RANBP2: variants seen among roughly 807,000 people sequenced by gnomAD.
RANBP2 encodes E3 SUMO-protein ligase RanBP2.
In RANBP2, 57 loss-of-function variants were observed where a neutral mutation model predicts 303.6. The ratio of observed to expected loss-of-function variants is 0.19; its 90% CI spans 0.15 to 0.23. The LOEUF (loss-of-function observed/expected upper bound fraction) is 0.23, where lower values mean the gene tolerates loss of function less well. RANBP2 is among the 10% of genes least tolerant of loss of function. The probability of loss-of-function intolerance (pLI) is 1.00; values close to 1 mark genes in which losing one functional copy is unlikely to be tolerated. For missense variants in RANBP2, 3,138 were observed against 3,780.8 expected (o/e 0.83, Z 4.46); for synonymous variants, 1,167 against 1,301.5 (o/e 0.90, Z 2.23).
chr2:109,703,530 G>A, the RANBP2 span, among the ~76,000 whole-genome samples: 1 of 152,240 alleles, frequency 6.6e-6, no homozygotes, highest in Admixed American at 6.5e-5. Context: ...CTGGGTTCAA[G>A]CAGTTCTCCT....
At chr2:109,681,307 C>T in the RANBP2 span, among the ~76,000 whole-genome samples, 2 of 152,206 alleles carry the variant, frequency 1.3e-5, no homozygotes, top group Admixed American at 1.3e-4. Flanking sequence ...TAAGGATTTC[C>T]AGGTTGTGCT....
chr2:109,371,465 C>G, the RANBP2 span: 4 of 737,222 alleles, frequency 5.4e-6, no homozygotes, highest in African/African-American at 5.2e-5. Flanking sequence ...ATAATGCACT[C>G]TTCTTGAACT....
the RANBP2 span, among the ~76,000 whole-genome samples, chr2:109,118,503 A>G: frequency 8.2e-5 from 12 of 146,974 alleles, no homozygotes; most frequent in Non-Finnish European, 1.8e-4. Flanking sequence ...TGAGTGTCCG[A>G]CTGCCTACAC....
the RANBP2 span, among the ~76,000 whole-genome samples, chr2:109,774,990 TGTAAG>T: frequency 1.2e-5 from 1 of 81,954 alleles, no homozygotes; most frequent in Non-Finnish European, 2.2e-5. Flanking sequence ...CATCTGAAAT[TGTAAG>T]GTGATTTTTT....
chr2:108,910,559 G>C, the RANBP2 span: 1 of 1,593,762 alleles, frequency 6.3e-7, no homozygotes, highest in African/African-American at 1.3e-5. Flanking sequence ...AGGTTGGGGA[G>C]ATAGGAGTTA....
chr2:109,594,468 G>T, the RANBP2 span, among the ~76,000 whole-genome samples: 5 of 150,966 alleles, frequency 3.3e-5, no homozygotes, highest in Non-Finnish European at 7.4e-5. Context: ...CTGCACTGTG[G>T]TTTTTTTTTG....
At chr2:109,035,057 A>G in the RANBP2 span, among the ~76,000 whole-genome samples, 1 of 152,186 alleles carries the variant, frequency 6.6e-6, no homozygotes. Flanking sequence ...GTGAGGAGTT[A>G]CTGGTTAGAT....
the RANBP2 span, among the ~76,000 whole-genome samples, chr2:108,886,361 T>A: frequency 6.6e-6 from 1 of 152,218 alleles, no homozygotes; most frequent in African/African-American, 2.4e-5. Context: ...TTCATGTATC[T>A]GTTGGTTACC....
At chr2:109,449,232 C>T in the RANBP2 span, 1 of 1,613,384 alleles carries the variant, frequency 6.2e-7, no homozygotes, top group Non-Finnish European at 8.5e-7. Flanking sequence ...CCTGCGCACC[C>T]AGAACTCTCC....
chr2:109,710,118 A>G, the RANBP2 span, among the ~76,000 whole-genome samples: 1 of 151,392 alleles, frequency 6.6e-6, no homozygotes, highest in Non-Finnish European at 1.5e-5. Context: ...GTGGTCGCTC[A>G]TGCATGTAAT....
At chr2:109,552,796 A>G in the RANBP2 span, 1 of 292,474 alleles carries the variant, frequency 3.4e-6, no homozygotes, top group Non-Finnish European at 6.3e-6. Flanking sequence ...TCATGAAAGA[A>G]AAATGTGTGC....
At chr2:108,916,930 A>G in the RANBP2 span, among the ~76,000 whole-genome samples, 1 of 152,128 alleles carries the variant, frequency 6.6e-6, no homozygotes, top group East Asian at 1.9e-4. Flanking sequence ...AAGGAGCAGG[A>G]GGACATGGGG....
chr2:109,394,246 G>A, the RANBP2 span, among the ~76,000 whole-genome samples: 3,441 of 152,330 alleles, frequency 0.023, 138 homozygotes, highest in African/African-American at 0.078. Context: ...ACAAAGTGTT[G>A]GGAGGGGCTT....
At chr2:108,771,123 T>A (rs1342433891) in intron 20 of RANBP2, among the ~76,000 whole-genome samples, 2 of 151,728 alleles carry the variant, frequency 1.3e-5, no homozygotes, top group Non-Finnish European at 2.9e-5. Flanking sequence ...GATTTTATAG[T>A]GTTAGCTACC....
At chr2:109,617,556 G>C in the RANBP2 span, 1 of 166,964 alleles carries the variant, frequency 6.0e-6, no homozygotes, top group Non-Finnish European at 1.5e-5. Context: ...CTTTTGGGTC[G>C]CGTAGTTGCT....
the RANBP2 span, among the ~76,000 whole-genome samples, chr2:109,406,886 G>T: frequency 6.6e-6 from 1 of 152,278 alleles, no homozygotes; most frequent in Non-Finnish European, 1.5e-5. Context: ...TGAGGGGTGG[G>T]CACATGGAGT....
At chr2:109,388,333 G>T in the RANBP2 span, among the ~76,000 whole-genome samples, 1 of 152,172 alleles carries the variant, frequency 6.6e-6, no homozygotes, top group Non-Finnish European at 1.5e-5. Context: ...TTGTGAACAT[G>T]GAACACATCC....
the RANBP2 span, among the ~76,000 whole-genome samples, chr2:109,420,888 G>A: frequency 1.3e-5 from 2 of 152,184 alleles, no homozygotes; most frequent in Non-Finnish European, 2.9e-5. Context: ...GTGGTGGGCA[G>A]GAAAGCTCCC....
chr2:108,980,360 G>A, the RANBP2 span, among the ~76,000 whole-genome samples: 1 of 152,102 alleles, frequency 6.6e-6, no homozygotes, highest in Non-Finnish European at 1.5e-5. Flanking sequence ...AGAGCAAGGA[G>A]GAAACTGCCA....
Sources: gnomAD v4.1 joint callset for allele counts (sites outside exome capture counted in the v4.1 genomes callset) on GRCh38, gnomAD v4.1.1 for gene constraint, MANE v1.5 for transcripts, NCBI Gene and HGNC (gene_info 2026-07-23, HGNC 2026-07-21) for gene names.